MYO1D: variants seen among roughly 807,000 people sequenced by gnomAD.
MYO1D encodes the protein unconventional myosin-Id.
Under a neutral mutation model 122.0 loss-of-function variants are expected in MYO1D, and 83 were observed. The observed-to-expected ratio is 0.68, with a 90% CI of 0.57 to 0.82. The LOEUF is 0.82. MYO1D is among the 40% of genes least tolerant of loss of function. MYO1D has a pLI of 0.00. For missense variants in MYO1D, 1,157 were observed against 1,269.5 expected, an observed-to-expected ratio of 0.91 and a Z score of 1.35; for synonymous variants, 464 against 446.9, an observed-to-expected ratio of 1.04 and a Z score of -0.48.
chr17:32,764,027 C>T (rs1054512942), intron 8 of MYO1D, among the ~76,000 whole-genome samples: 8 of 152,204 alleles, frequency 5.3e-5, no homozygotes, highest in Non-Finnish European at 8.8e-5. Flanking sequence ...TGTATAAAGA[C>T]GTGCAGCATT....
At chr17:32,869,036 C>G (rs377620888) in intron 1 of MYO1D, among the ~76,000 whole-genome samples, 8 of 145,252 alleles carry the variant, frequency 5.5e-5, no homozygotes, top group African/African-American at 2.1e-4. Flanking sequence ...TAGCAAAACC[C>G]CATCTCTACT....
chr17:32,600,199 C>T (rs1250846753), intron 21 of MYO1D, among the ~76,000 whole-genome samples: 1 of 152,196 alleles, frequency 6.6e-6, no homozygotes, highest in African/African-American at 2.4e-5. Context: ...ATGCTATAAA[C>T]AGATGTGCTG....
Position 32,780,754 on chromosome 17 carries a change from A to G in MYO1D, c.126T>C (p.Ile42=), listed in dbSNP as rs138478305. 1.2e-6 allele frequency: 2 copies of G among 1,614,076 alleles called. No homozygotes were observed. The highest frequency in any genetic ancestry group is 2.7e-5 in the African/African-American group (2 of 74,926). The change falls in exon 2 of 22, where the codon ATT becomes ATC. Residue 42 remains isoleucine (I), a synonymous_variant. Transcript: ENST00000318217. ...GGTTCACAGAAACGACGACTTCTCC[A>G]ATGAACGTATAGATGCGCCCTTTTT... ...RFEKGRIYTF[I]GEVVVSVNPY... is the part of the protein sequence containing the mutation.
chr17:32,872,071 C>T (rs1317427862), intron 1 of MYO1D, among the ~76,000 whole-genome samples: 1 of 152,050 alleles, frequency 6.6e-6, no homozygotes, highest in East Asian at 1.9e-4. Flanking sequence ...TGAGCAGAGA[C>T]CCTTGGAAAT....
intron 13 of MYO1D, among the ~76,000 whole-genome samples, chr17:32,742,314 T>C (rs2089782425): frequency 6.6e-6 from 1 of 152,210 alleles, no homozygotes; most frequent in Non-Finnish European, 1.5e-5. Context: ...CCCCCATGGA[T>C]ACTTCGGGAC....
intron 20 of MYO1D, among the ~76,000 whole-genome samples, chr17:32,625,960 C>G (rs996820167): frequency 3.3e-5 from 5 of 152,246 alleles, no homozygotes; most frequent in African/African-American, 4.8e-5. Context: ...TGATGAAGCC[C>G]AGCTCCATTC....
At chr17:32,605,477 A>AC (rs10675856) in intron 20 of MYO1D, among the ~76,000 whole-genome samples, 43,457 of 151,068 alleles carry the variant, frequency 0.29, 7,137 homozygotes, top group African/African-American at 0.46. Context: ...TTGCTCAGTG[A>AC]CCCCCTGACT....
intron 4 of MYO1D, among the ~76,000 whole-genome samples, 197 bp downstream of exon 4, chr17:32,775,667 C>T (rs559894646): frequency 3.8e-4 from 58 of 152,168 alleles, no homozygotes; most frequent in Non-Finnish European, 7.8e-4. Flanking sequence ...TCTACAAAGT[C>T]CACAACTTTT....
intron 1 of MYO1D, among the ~76,000 whole-genome samples, chr17:32,802,575 T>C (rs2090469877): frequency 6.6e-6 from 1 of 152,230 alleles, no homozygotes; most frequent in Non-Finnish European, 1.5e-5. Context: ...GGTTAAGAGT[T>C]AGTTTGACTT....
chr17:32,613,102 G>A (rs2087723996), intron 20 of MYO1D, among the ~76,000 whole-genome samples: 1 of 152,040 alleles, frequency 6.6e-6, no homozygotes, highest in African/African-American at 2.4e-5. Context: ...ATATAAATTA[G>A]TAAAATTGAC....
intron 1 of MYO1D, among the ~76,000 whole-genome samples, chr17:32,822,608 G>T (rs897708614): frequency 2.7e-5 from 4 of 148,870 alleles, no homozygotes; most frequent in Non-Finnish European, 4.5e-5. Flanking sequence ...GCCGAGCCGG[G>T]CCCGTGGCCC....
At chr17:32,741,942 G>C (rs997200426) in intron 13 of MYO1D, among the ~76,000 whole-genome samples, 1 of 150,442 alleles carries the variant, frequency 6.6e-6, no homozygotes, top group African/African-American at 2.4e-5. Context: ...ATGAACCTGG[G>C]AGGCGGAGCT....
intron 16 of MYO1D, among the ~76,000 whole-genome samples, chr17:32,672,587 G>A (rs1167634558): frequency 6.6e-6 from 1 of 152,110 alleles, no homozygotes; most frequent in African/African-American, 2.4e-5. Flanking sequence ...CTGGGTTCAA[G>A]CGATTCTCCT....
At chr17:32,729,312 T>A (rs1194379467) in intron 14 of MYO1D, among the ~76,000 whole-genome samples, 1 of 152,168 alleles carries the variant, frequency 6.6e-6, no homozygotes, top group Non-Finnish European at 1.5e-5. Flanking sequence ...ATTTAATAAT[T>A]TACTGACAAT....
intron 14 of MYO1D, among the ~76,000 whole-genome samples, chr17:32,726,077 A>G (rs1204207105): frequency 6.6e-6 from 1 of 152,242 alleles, no homozygotes; most frequent in African/African-American, 2.4e-5. Flanking sequence ...GATTTCAAAT[A>G]TAATAGAGTG....
At chr17:32,630,044 T>G (rs76136157) in intron 20 of MYO1D, among the ~76,000 whole-genome samples, 1 of 152,140 alleles carries the variant, frequency 6.6e-6, no homozygotes. Flanking sequence ...CATGTGGTCA[T>G]GGACTAGAGT....
chr17:32,738,145 C>T, intron 14 of MYO1D, 108 bp downstream of exon 14: 1 of 963,728 alleles, frequency 1.0e-6, no homozygotes, highest in Non-Finnish European at 1.5e-6. Flanking sequence ...TATACATATT[C>T]TTCAATCTAC....
intron 21 of MYO1D, among the ~76,000 whole-genome samples, chr17:32,533,329 A>T (rs527686293): frequency 6.6e-6 from 1 of 152,224 alleles, no homozygotes; most frequent in East Asian, 1.9e-4. Flanking sequence ...AGGGCCCTCC[A>T]TGATGTCACC....
At chr17:32,547,092 G>T (rs2086970681) in intron 21 of MYO1D, among the ~76,000 whole-genome samples, 1 of 149,186 alleles carries the variant, frequency 6.7e-6, no homozygotes, top group Non-Finnish European at 1.5e-5. Context: ...TTTTTGTAAA[G>T]ACAGCATCTT....
Sources: allele counts gnomAD v4.1 joint callset (sites outside exome capture counted in the v4.1 genomes callset), GRCh38; gene constraint gnomAD v4.1.1; transcripts MANE v1.5; gene names NCBI Gene and HGNC (gene_info 2026-07-23, HGNC 2026-07-21).